The following FARS2 variants were observed in gnomAD, a reference collection of about 807,000 sequenced individuals.
FARS2 encodes phenylalanine--tRNA ligase, mitochondrial.
FARS2 carries 40 observed loss-of-function variants against 46.4 expected under a neutral mutation model. The observed-to-expected ratio is 0.86, with a 90% CI of 0.67 to 1.12. The LOEUF is 1.12. FARS2 is among the 50% of genes most tolerant of loss of function. The pLI, the probability that FARS2 is intolerant of heterozygous loss-of-function variation, is 0.00. For missense variants in FARS2, 513 were observed against 567.9 expected (o/e 0.90, Z 0.98); for synonymous variants, 234 against 214.9 (o/e 1.09, Z -0.78).
chr6:5,282,111 G>A (rs1316786643), intron 1 of FARS2, among the ~76,000 whole-genome samples: 1 of 152,184 alleles, frequency 6.6e-6, no homozygotes, highest in African/African-American at 2.4e-5. Flanking sequence ...TGCAAAATAA[G>A]TACATTGAAA....
At chr6:5,396,279 CTA>C (rs1187105692) in intron 2 of FARS2, among the ~76,000 whole-genome samples, 2 of 152,118 alleles carry the variant, frequency 1.3e-5, no homozygotes, top group Non-Finnish European at 2.9e-5. Flanking sequence ...TCCAGTGATG[CTA>C]AAGTTGCTCA....
At chr6:5,488,578 G>T (rs1388275928) in intron 4 of FARS2, among the ~76,000 whole-genome samples, 1 of 150,330 alleles carries the variant, frequency 6.7e-6, no homozygotes, top group African/African-American at 2.4e-5. Context: ...AGAAAATATT[G>T]TAGATTTTTG....
At chr6:5,730,904 A>G (rs934370940) in intron 6 of FARS2, among the ~76,000 whole-genome samples, 2 of 152,208 alleles carry the variant, frequency 1.3e-5, no homozygotes, top group Non-Finnish European at 2.9e-5. Context: ...AGATGAGGCA[A>G]CTGGAACACA....
intron 4 of FARS2, among the ~76,000 whole-genome samples, chr6:5,489,270 A>G (rs1766957812): frequency 6.6e-6 from 1 of 152,130 alleles, no homozygotes; most frequent in South Asian, 2.1e-4. Context: ...CATGGCCAAC[A>G]TAGTGAAACG....
At chr6:5,251,426 A>G in the FARS2 span, among the ~76,000 whole-genome samples, 1 of 152,190 alleles carries the variant, frequency 6.6e-6, no homozygotes, top group Non-Finnish European at 1.5e-5. Flanking sequence ...AGGAATTGTG[A>G]TGCTGGCATC....
chr6:5,724,457 G>A (rs987407641), intron 6 of FARS2, among the ~76,000 whole-genome samples: 2 of 152,210 alleles, frequency 1.3e-5, no homozygotes, highest in South Asian at 2.1e-4. Context: ...TGCCCATGAG[G>A]TGGCCAGAGC....
chr6:5,681,032 G>A (rs1460321143), intron 6 of FARS2, among the ~76,000 whole-genome samples: 2 of 152,244 alleles, frequency 1.3e-5, no homozygotes, highest in African/African-American at 4.8e-5. Context: ...AGAAGGCCGT[G>A]TTGAGTGTAA....
intron 6 of FARS2, among the ~76,000 whole-genome samples, chr6:5,664,767 C>A (rs565204562): frequency 7.9e-5 from 12 of 152,302 alleles, no homozygotes; most frequent in African/African-American, 2.2e-4. Context: ...AGGCATATAA[C>A]TGTGATCTCT....
rs551460559 is a variant in FARS2, at chr6:5,498,446, T to C, written c.905-46734T>C. Among the ~76,000 whole-genome samples, 26 of 152,316 alleles carry C rather than the reference T, an allele frequency of 1.7e-4. No individual in the cohort carries two copies. In the South Asian group the frequency reaches 5.0e-3, roughly 29 times the overall value. On this transcript the variant is annotated intron_variant, in intron 4 of 6. Transcript: ENST00000274680. ...CCATCTGACTGTCTGATGGAGCTTA[T>C]TTTACTTATCATAAAACGTAAGTGT...
intron 4 of FARS2, among the ~76,000 whole-genome samples, chr6:5,468,186 TG>T (rs1765616793): frequency 6.6e-6 from 1 of 152,152 alleles, no homozygotes; most frequent in African/African-American, 2.4e-5. Context: ...AAACTCTTTG[TG>T]TCAGCAACAT....
intron 4 of FARS2, among the ~76,000 whole-genome samples, chr6:5,529,393 C>T (rs539550550): frequency 3.3e-5 from 5 of 152,126 alleles, no homozygotes; most frequent in Non-Finnish European, 7.4e-5. Context: ...CTGCAACCTC[C>T]GCCTCCTGGG....
chr6:5,385,752 G>A (rs4960083), intron 2 of FARS2, among the ~76,000 whole-genome samples: 24,608 of 152,060 alleles, frequency 0.16, 2,138 homozygotes, highest in Middle Eastern at 0.2. Flanking sequence ...AAATGTGAGT[G>A]TGCTTATGTT....
intron 1 of FARS2, among the ~76,000 whole-genome samples, chr6:5,349,882 T>A (rs1473818048): frequency 8.0e-6 from 1 of 124,570 alleles, no homozygotes; most frequent in African/African-American, 2.7e-5. Flanking sequence ...GAGTTATATG[T>A]TTTTTTTTTT....
chr6:5,654,637 T>C (rs1370043917), intron 6 of FARS2, among the ~76,000 whole-genome samples: 1 of 152,108 alleles, frequency 6.6e-6, no homozygotes, highest in East Asian at 1.9e-4. Flanking sequence ...GGTATTTACA[T>C]ACTACCTGTG....
intron 4 of FARS2, among the ~76,000 whole-genome samples, chr6:5,442,966 A>G (rs1402691582): frequency 6.6e-6 from 1 of 152,162 alleles, no homozygotes; most frequent in Non-Finnish European, 1.5e-5. Context: ...CTGTTGTGTT[A>G]GGTGTTGTGT....
intron 5 of FARS2, among the ~76,000 whole-genome samples, chr6:5,575,105 A>G (rs1772882917): frequency 6.6e-6 from 1 of 152,232 alleles, no homozygotes; most frequent in Non-Finnish European, 1.5e-5. Flanking sequence ...AAGACACATC[A>G]CAGCCTTCTT....
chr6:5,534,808 T>C (rs1770084411), intron 4 of FARS2, among the ~76,000 whole-genome samples: 1 of 147,874 alleles, frequency 6.8e-6, no homozygotes, highest in Non-Finnish European at 1.5e-5. Flanking sequence ...GACACACATA[T>C]GTATACACAC....
chr6:5,268,266 C>T (rs9405262), intron 1 of FARS2, among the ~76,000 whole-genome samples: 120,125 of 148,620 alleles, frequency 0.81, 48,959 homozygotes, highest in African/African-American at 0.93. Flanking sequence ...GTTTTAGACA[C>T]GAAGTCCTTG....
At chr6:5,380,555 G>A (rs1217570770) in intron 2 of FARS2, among the ~76,000 whole-genome samples, 1 of 152,160 alleles carries the variant, frequency 6.6e-6, no homozygotes, top group African/African-American at 2.4e-5. Context: ...GTAGGTGCAG[G>A]TGGGCTGTAG....
Sources: gnomAD v4.1 joint callset for allele counts (sites outside exome capture counted in the v4.1 genomes callset) on GRCh38, gnomAD v4.1.1 for gene constraint, MANE v1.5 for transcripts, NCBI Gene and HGNC (gene_info 2026-07-23, HGNC 2026-07-21) for gene names.